POLR3B: variants seen among roughly 807,000 people sequenced by gnomAD.
POLR3B encodes RNA polymerase III subunit B, also known as DNA-directed RNA polymerase III subunit RPC2.
POLR3B carries 96 observed loss-of-function variants against 147.4 expected under a neutral mutation model. The ratio of observed to expected loss-of-function variants is 0.65; its 90% CI spans 0.55 to 0.77. The LOEUF (loss-of-function observed/expected upper bound fraction) is 0.77. POLR3B is among the 30% of genes least tolerant of loss of function. The pLI is 0.00. For missense variants in POLR3B, 1,036 were observed against 1,413.5 expected, an observed-to-expected ratio of 0.73 and a Z score of 4.28; for synonymous variants, 461 against 485.9, an observed-to-expected ratio of 0.95 and a Z score of 0.67.
chr12:106,468,145 A>C (rs1009690028), intron 23 of POLR3B, among the ~76,000 whole-genome samples: 10 of 152,172 alleles, frequency 6.6e-5, no homozygotes, highest in Non-Finnish European at 1.3e-4. Flanking sequence ...TTATTGGTCT[A>C]TTCAGAGATT....
chr12:106,439,883 C>T (rs760352474), intron 18 of POLR3B, among the ~76,000 whole-genome samples: 1 of 151,890 alleles, frequency 6.6e-6, no homozygotes, highest in Non-Finnish European at 1.5e-5. Flanking sequence ...ACAGTGAGAC[C>T]TCATCTCTAC....
intron 12 of POLR3B, among the ~76,000 whole-genome samples, chr12:106,411,979 C>G (rs1445531005): frequency 1.3e-5 from 2 of 152,138 alleles, no homozygotes; most frequent in Non-Finnish European, 2.9e-5. Flanking sequence ...CCATCACAAG[C>G]CTATTTTTAT....
chr12:106,431,861 CT>C (rs1440812332), intron 14 of POLR3B, among the ~76,000 whole-genome samples: 1 of 152,172 alleles, frequency 6.6e-6, no homozygotes, highest in Non-Finnish European at 1.5e-5. Context: ...GACCAAGAAA[CT>C]TAAGGGCACT....
intron 23 of POLR3B, among the ~76,000 whole-genome samples, chr12:106,493,674 T>G (rs2038435495): frequency 6.6e-6 from 1 of 152,250 alleles, no homozygotes; most frequent in Non-Finnish European, 1.5e-5. Flanking sequence ...CTTCATCTAA[T>G]GAAATGCACA....
intron 25 of POLR3B, chr12:106,500,148 G>A (rs1442697491): frequency 2.2e-6 from 1 of 456,002 alleles, no homozygotes; most frequent in Non-Finnish European, 4.4e-6. Flanking sequence ...GGATCGTTGT[G>A]TGGATTAAGT....
At chr12:106,374,628 C>T (rs1193849753) in intron 6 of POLR3B, among the ~76,000 whole-genome samples, 1 of 152,012 alleles carries the variant, frequency 6.6e-6, no homozygotes, top group African/African-American at 2.4e-5. Flanking sequence ...GATTCTCCTG[C>T]CCCAGCCTCC....
chr12:106,359,047 G>C (rs11831101), intron 1 of POLR3B, among the ~76,000 whole-genome samples: 18 of 152,204 alleles, frequency 1.2e-4, no homozygotes, highest in African/African-American at 4.3e-4. Flanking sequence ...GCAAAACCCT[G>C]TTTCTACAAA....
At chr12:106,385,203 C>G (rs1029832018) in intron 9 of POLR3B, among the ~76,000 whole-genome samples, 11 of 152,202 alleles carry the variant, frequency 7.2e-5, no homozygotes, top group Non-Finnish European at 1.5e-4. Flanking sequence ...CATAGGCTCA[C>G]AGGAACCTAG....
At chr12:106,376,252 T>C (rs1424420914) in intron 6 of POLR3B, 107 bp from the exon 7 acceptor site, 1 of 768,302 alleles carries the variant, frequency 1.3e-6, no homozygotes, top group Non-Finnish European at 2.3e-6. Flanking sequence ...ACATGGTGCA[T>C]AGATAGACCC....
chr12:106,471,836 G>C (rs2038096753), intron 23 of POLR3B, among the ~76,000 whole-genome samples: 1 of 151,816 alleles, frequency 6.6e-6, no homozygotes, highest in Admixed American at 6.6e-5. Context: ...TTATGTGTGA[G>C]TACATGTATG....
intron 23 of POLR3B, among the ~76,000 whole-genome samples, chr12:106,479,031 A>G (rs1192445738): frequency 6.6e-6 from 1 of 151,730 alleles, no homozygotes; most frequent in African/African-American, 2.4e-5. Context: ...AGCTTTTACT[A>G]TCTTCTTCCC....
At chr12:106,447,616 CCT>C (rs1565899433) in intron 19 of POLR3B, among the ~76,000 whole-genome samples, 1 of 152,200 alleles carries the variant, frequency 6.6e-6, no homozygotes, top group Non-Finnish European at 1.5e-5. Context: ...CATTTTGTGT[CCT>C]CTCATCGGCA....
chr12:106,448,600 CTAATTTTTT>C (rs1185116944), intron 19 of POLR3B, among the ~76,000 whole-genome samples: 3 of 151,276 alleles, frequency 2.0e-5, no homozygotes, highest in Non-Finnish European at 4.4e-5. Context: ...CTATGCCCAG[CTAATTTTTT>C]TTTGTTTTTT....
chr12:106,481,467 G>A (rs894964742), intron 23 of POLR3B, among the ~76,000 whole-genome samples: 4 of 152,166 alleles, frequency 2.6e-5, no homozygotes, highest in African/African-American at 7.2e-5. Context: ...CTAGTACTTC[G>A]TGTCTCTGTC....
intron 23 of POLR3B, among the ~76,000 whole-genome samples, chr12:106,466,234 G>C (rs1007214301): frequency 2.6e-5 from 4 of 152,118 alleles, no homozygotes; most frequent in Admixed American, 2.6e-4. Flanking sequence ...ATGTCTGTTG[G>C]CTGCATAAAT....
chr12:106,477,894 T>A (rs1221544684), intron 23 of POLR3B, among the ~76,000 whole-genome samples: 2 of 51,268 alleles, frequency 3.9e-5, no homozygotes, highest in African/African-American at 2.1e-4. Context: ...TCCTCCCCTT[T>A]TTTTTTTTTT....
intron 10 of POLR3B, among the ~76,000 whole-genome samples, chr12:106,395,129 G>A (rs1357943262): frequency 6.6e-6 from 1 of 152,162 alleles, no homozygotes; most frequent in African/African-American, 2.4e-5. Context: ...CTGCTTGGGA[G>A]GCTGAGGCAG....
At chr12:106,412,057 T>G (rs568191920) in intron 12 of POLR3B, among the ~76,000 whole-genome samples, 1 of 152,332 alleles carries the variant, frequency 6.6e-6, no homozygotes, top group Non-Finnish European at 1.5e-5. Context: ...CAGTCACTTG[T>G]GGGTCATTCT....
chr12:106,465,033 C>G (rs10778477), intron 23 of POLR3B, among the ~76,000 whole-genome samples: 1 of 152,058 alleles, frequency 6.6e-6, no homozygotes, highest in Non-Finnish European at 1.5e-5. Context: ...AGATACTAAC[C>G]CTTAATGCCC....
Sources: allele counts gnomAD v4.1 joint callset (sites outside exome capture counted in the v4.1 genomes callset), GRCh38; gene constraint gnomAD v4.1.1; transcripts MANE v1.5; gene names NCBI Gene and HGNC (gene_info 2026-07-23, HGNC 2026-07-21).